RNF157: variants seen among roughly 807,000 people sequenced by gnomAD.
RNF157 encodes the protein ring finger protein 157, also known as E3 ubiquitin ligase RNF157.
A neutral mutation model predicts 88.3 loss-of-function variants in RNF157; 55 were observed. The observed-to-expected ratio is 0.62, with a 90% CI of 0.50 to 0.78. The LOEUF is 0.78. Among genes scored for constraint, RNF157 ranks in the 30% least tolerant of loss-of-function variants. The pLI is 0.00. For missense variants in RNF157, 788 were observed against 860.8 expected (o/e 0.92, Z 1.06); for synonymous variants, 334 against 341.2 (o/e 0.98, Z 0.23).
At chr17:76,156,968 CT>C (rs1266740527) in intron 13 of RNF157, among the ~76,000 whole-genome samples, 127 of 146,472 alleles carry the variant, frequency 8.7e-4, no homozygotes, top group Middle Eastern at 3.5e-3. Flanking sequence ...TTTTTTTTCA[CT>C]TTTTTTTTTT....
chr17:76,234,558 C>T (rs945436912), intron 1 of RNF157, among the ~76,000 whole-genome samples: 1 of 152,134 alleles, frequency 6.6e-6, no homozygotes, highest in African/African-American at 2.4e-5. Flanking sequence ...AAATTATAGC[C>T]ATCCTAGTGG....
At chr17:76,205,610 A>G (rs1297373374) in intron 2 of RNF157, among the ~76,000 whole-genome samples, 1 of 152,102 alleles carries the variant, frequency 6.6e-6, no homozygotes, top group African/African-American at 2.4e-5. Context: ...CTGTAGTCCC[A>G]GCTACTTGGG....
intron 14 of RNF157, among the ~76,000 whole-genome samples, chr17:76,155,984 T>C (rs1355002264): frequency 6.6e-6 from 1 of 152,216 alleles, no homozygotes; most frequent in African/African-American, 2.4e-5. Flanking sequence ...GGAAACCTCA[T>C]TACAGGAGGA....
chr17:76,156,423 AG>A, intron 13 of RNF157, 102 bp from the exon 14 acceptor site: 1 of 1,548,890 alleles, frequency 6.5e-7, no homozygotes, highest in Non-Finnish European at 8.7e-7. Flanking sequence ...TGAGGAGGAA[AG>A]GCGACACTGG....
chr17:76,173,602 C>T (rs897484883), intron 3 of RNF157, 100 bp downstream of exon 3: 19 of 897,232 alleles, frequency 2.1e-5, no homozygotes, highest in East Asian at 1.6e-4. Flanking sequence ...CTGGGGCTGC[C>T]GGAAACTGCT....
chr17:76,205,682 G>C (rs946081325), intron 2 of RNF157, among the ~76,000 whole-genome samples: 6 of 151,900 alleles, frequency 3.9e-5, no homozygotes, highest in Admixed American at 1.3e-4. Context: ...CCAAGATCGT[G>C]CCACTGCACT....
chr17:76,186,940 A>AAAATAAATAAATAAATAAAT (rs201615839), intron 2 of RNF157, among the ~76,000 whole-genome samples: 2 of 140,818 alleles, frequency 1.4e-5, no homozygotes, highest in East Asian at 2.0e-4. Flanking sequence ...ACTCCGACTC[A>AAAATAAATAAATAAATAAAT]AAATAAATAA....
intron 2 of RNF157, among the ~76,000 whole-genome samples, chr17:76,204,370 A>G (rs1275187806): frequency 6.6e-6 from 1 of 152,202 alleles, no homozygotes. Context: ...TCTGTGCTCC[A>G]GGGCACTCTG....
intron 18 of RNF157, among the ~76,000 whole-genome samples, chr17:76,149,987 C>T (rs780063424): frequency 1.3e-5 from 2 of 152,008 alleles, no homozygotes; most frequent in Non-Finnish European, 2.9e-5. Context: ...GAGCCGAGAT[C>T]GCGCCACTGC....
intron 1 of RNF157, chr17:76,226,842 A>T: frequency 6.9e-7 from 1 of 1,455,454 alleles, no homozygotes; most frequent in Non-Finnish European, 9.3e-7. Flanking sequence ...TAATGTGCTT[A>T]ATTCGAAGGT....
At position 76,157,887 on chromosome 17, in the gene RNF157, C is replaced by T. The variant is rs537148069; in HGVS notation, c.1413+506G>A. Among the ~76,000 whole-genome samples, 2 of 152,218 alleles carry T rather than the reference C, an allele frequency of 1.3e-5. No individual in the cohort carries two copies. Among genetic ancestry groups the T allele is most frequent in the South Asian group, 4.2e-4 (2 of 4,816 alleles). On this transcript the variant is annotated intron_variant, in intron 13 of 18. Transcript: ENST00000269391. The surrounding 1 kb of genome is among the most constrained non-coding windows in gnomAD (Gnocchi z 5.6). ...TTCCACATGGGCCTCCCGACACCCC[C>T]CACTTACCCCCAGGACTTTCTCCTT... is the stretch of plus-strand genomic sequence containing the variant.
Position 76,240,097 on chromosome 17 carries a change from G to T in RNF157, c.88+56C>A. On this transcript the variant is annotated intron_variant, in intron 1 of 18. Coordinates refer to ENST00000269391, the MANE Select transcript of RNF157 (RefSeq NM_052916.3). This position sits in a 1 kb window ranked among gnomAD's most constrained non-coding sequence, Gnocchi z 4.4. ...GGCCCCCTCAGGCCGTCCCGACCCAGACCCCTGCCCCTGCCCCTCTCCCTC... is the reference window on the plus strand; with the variant it reads ...GGCCCCCTCAGGCCGTCCCGACCCATACCCCTGCCCCTGCCCCTCTCCCTC... 1 of 1,112,208 alleles carries T rather than the reference G, an allele frequency of 9.0e-7. No individual in the cohort carries two copies. 68.9% of individuals were successfully genotyped at this position (1,112,208 alleles called of 1,614,324 possible).
At chr17:76,215,428 T>C (rs147481694) in intron 1 of RNF157, among the ~76,000 whole-genome samples, 1 of 150,218 alleles carries the variant, frequency 6.7e-6, no homozygotes, top group African/African-American at 2.5e-5. Context: ...CGAGCTATGA[T>C]TGCCACTGCA....
At chr17:76,225,951 C>A in intron 1 of RNF157, 1 of 1,611,694 alleles carries the variant, frequency 6.2e-7, no homozygotes, top group South Asian at 1.1e-5. Flanking sequence ...TTGTTTTGCT[C>A]CATTTTTTTC....
Position 76,162,593 on chromosome 17 carries a change from T to C in RNF157, c.751A>G (p.Ile251Val), listed in dbSNP as rs1421012288. 3 of 1,613,032 alleles carry C rather than the reference T, an allele frequency of 1.9e-6. No homozygotes were observed. The South Asian group carries it at 3.3e-5, about 18-fold the overall frequency. The change falls in exon 9 of 19, where the codon ATC becomes GTC. Residue 251 changes from isoleucine (I) to valine (V), a missense_variant. By Grantham distance (29) the Ile-to-Val change is conservative (BLOSUM62 3). Coordinates refer to ENST00000269391, the MANE Select transcript of RNF157 (RefSeq NM_052916.3). ...TTGTACTTGTTTTCAATTCCATAGA[T>C]CTCCTGAAGGAGGTAGCTGACCCCG... ...VDGVSYLLQEIYGIENKYNTQ... is the reference protein window; with the variant it reads ...VDGVSYLLQEVYGIENKYNTQ...
intron 3 of RNF157, among the ~76,000 whole-genome samples, chr17:76,172,313 C>A (rs968180982): frequency 5.3e-5 from 8 of 151,746 alleles, no homozygotes; most frequent in Non-Finnish European, 1.2e-4. Flanking sequence ...GACTCTGGGC[C>A]AGGTGCGGTG....
At chr17:76,220,331 T>C (rs8068111) in intron 1 of RNF157, among the ~76,000 whole-genome samples, 2,995 of 144,238 alleles carry the variant, frequency 0.021, 123 homozygotes, top group African/African-American at 0.074. Flanking sequence ...TTAAGCTTCA[T>C]CAGGATAATA....
At chr17:76,211,317 G>A (rs2069796159) in intron 2 of RNF157, among the ~76,000 whole-genome samples, 1 of 152,192 alleles carries the variant, frequency 6.6e-6, no homozygotes, top group South Asian at 2.1e-4. Context: ...ATTCTTCAAA[G>A]GCCAGTTCAA....
At chr17:76,231,248 C>T (rs1392310281) in intron 1 of RNF157, among the ~76,000 whole-genome samples, 9 of 152,188 alleles carry the variant, frequency 5.9e-5, no homozygotes, top group Non-Finnish European at 5.9e-5. Context: ...CCGCCCGCCT[C>T]GGCCTCCCAA....
Sources: gnomAD v4.1 joint callset for allele counts (sites outside exome capture counted in the v4.1 genomes callset) on GRCh38, gnomAD v4.1.1 for gene constraint, Gnocchi (gnomAD v3.1) non-coding constraint, MANE v1.5 for transcripts, NCBI Gene and HGNC (gene_info 2026-07-23, HGNC 2026-07-21) for gene names.